STARD13: variants seen among roughly 807,000 people sequenced by gnomAD.
STARD13 encodes the protein StAR related lipid transfer domain containing 13.
STARD13 carries 62 observed loss-of-function variants against 106.4 expected under a neutral mutation model. The observed-to-expected ratio is 0.58, with a 90% CI of 0.48 to 0.72. The LOEUF (loss-of-function observed/expected upper bound fraction) is 0.72. Among genes scored for constraint, STARD13 ranks in the 30% least tolerant of loss-of-function variants. The pLI is 0.00. For synonymous variants in STARD13, 565 were observed against 553.0 expected (o/e 1.02, Z -0.31); for missense variants, 1,387 against 1,424.0 (o/e 0.97, Z 0.42).
chr13:33,497,909 T>G, the STARD13 span, among the ~76,000 whole-genome samples: 81 of 152,280 alleles, frequency 5.3e-4, 1 homozygote, highest in African/African-American at 1.9e-3. Flanking sequence ...CTATGTTACT[T>G]TAGTATCAAG....
At chr13:33,643,035 C>G in the STARD13 span, among the ~76,000 whole-genome samples, 4 of 152,046 alleles carry the variant, frequency 2.6e-5, no homozygotes. Context: ...TCCAGCTGCT[C>G]GGGAAAGGAG....
the STARD13 span, among the ~76,000 whole-genome samples, chr13:33,424,812 A>G: frequency 1.3e-5 from 2 of 152,194 alleles, no homozygotes; most frequent in Non-Finnish European, 2.9e-5. Flanking sequence ...TTCATCTTGT[A>G]ACTTATTAGG....
chr13:33,336,833 C>T (rs1022604283), intron 1 of STARD13: 2 of 150,996 alleles, frequency 1.3e-5, no homozygotes, highest in African/African-American at 2.4e-5. Context: ...ATGAAGTAGC[C>T]TAAGAACAAG....
chr13:33,425,889 C>T, the STARD13 span, among the ~76,000 whole-genome samples: 1 of 152,236 alleles, frequency 6.6e-6, no homozygotes, highest in Admixed American at 6.5e-5. Flanking sequence ...CAGTTTAAGA[C>T]ATCCGAAGTA....
chr13:33,584,839 C>G, the STARD13 span, among the ~76,000 whole-genome samples: 3 of 151,870 alleles, frequency 2.0e-5, no homozygotes, highest in Non-Finnish European at 4.4e-5. Flanking sequence ...AGTGAATTAT[C>G]ATGAGATTCA....
intron 1 of STARD13, 60 bp downstream of exon 1, chr13:33,285,410 C>A: frequency 6.5e-7 from 1 of 1,537,484 alleles, no homozygotes; most frequent in South Asian, 1.2e-5. Context: ...ACTGGGTTAG[C>A]ATGAAATAGA....
intron 1 of STARD13, among the ~76,000 whole-genome samples, chr13:33,199,560 AG>A (rs1286085000): frequency 6.6e-6 from 1 of 152,262 alleles, no homozygotes; most frequent in African/African-American, 2.4e-5. Context: ...GAAACTCTAA[AG>A]ATAAAAATAA....
At chr13:33,536,139 G>A in the STARD13 span, among the ~76,000 whole-genome samples, 5 of 152,184 alleles carry the variant, frequency 3.3e-5, no homozygotes, top group Non-Finnish European at 5.9e-5. Context: ...ATACAGTTAA[G>A]AGTACTGAAG....
the STARD13 span, among the ~76,000 whole-genome samples, chr13:33,549,477 A>G: frequency 6.6e-6 from 1 of 152,230 alleles, no homozygotes; most frequent in African/African-American, 2.4e-5. Context: ...AGCATTTTAA[A>G]ATCTAAAAAT....
the STARD13 span, among the ~76,000 whole-genome samples, chr13:33,557,612 T>C: frequency 6.6e-6 from 1 of 152,164 alleles, no homozygotes; most frequent in Admixed American, 6.5e-5. Flanking sequence ...ACTATCACTG[T>C]ATGTGTTACC....
At chr13:33,564,788 T>A in the STARD13 span, among the ~76,000 whole-genome samples, 4 of 145,922 alleles carry the variant, frequency 2.7e-5, 2 homozygotes. Flanking sequence ...GGTCAGGAGA[T>A]CGAGACCATC....
the STARD13 span, among the ~76,000 whole-genome samples, chr13:33,442,840 G>T: frequency 6.6e-6 from 1 of 152,120 alleles, no homozygotes; most frequent in East Asian, 1.9e-4. Context: ...TATATTAATT[G>T]TAAAACATTC....
At chr13:33,574,022 T>C in the STARD13 span, among the ~76,000 whole-genome samples, 1 of 152,028 alleles carries the variant, frequency 6.6e-6, no homozygotes, top group Admixed American at 6.6e-5. Context: ...CTTAAAAAAA[T>C]GAACAATAGT....
the STARD13 span, among the ~76,000 whole-genome samples, chr13:33,483,303 A>C: frequency 6.6e-6 from 1 of 152,244 alleles, no homozygotes; most frequent in South Asian, 2.1e-4. Flanking sequence ...AGAACATAAC[A>C]GATCTATTTA....
At chr13:33,107,867 T>G (rs1195887583) in intron 12 of STARD13, among the ~76,000 whole-genome samples, 12 of 152,154 alleles carry the variant, frequency 7.9e-5, no homozygotes, top group African/African-American at 2.9e-4. Flanking sequence ...ATAGATTGCA[T>G]TATTAGAATT....
intron 1 of STARD13, among the ~76,000 whole-genome samples, chr13:33,322,718 AT>A (rs955175295): frequency 6.6e-6 from 1 of 152,220 alleles, no homozygotes; most frequent in African/African-American, 2.4e-5. Context: ...TTTTCTCTTG[AT>A]AAGCCAGGAC....
chr13:33,153,007 G>C (rs1052392547), intron 3 of STARD13, among the ~76,000 whole-genome samples: 1 of 152,206 alleles, frequency 6.6e-6, no homozygotes, highest in Non-Finnish European at 1.5e-5. Flanking sequence ...TATTAGGAAA[G>C]GCATGGACAT....
At chr13:33,107,397 G>A (rs999462669) in intron 12 of STARD13, among the ~76,000 whole-genome samples, 18 of 152,244 alleles carry the variant, frequency 1.2e-4, no homozygotes, top group African/African-American at 4.1e-4. Context: ...TAAAAGCACT[G>A]AGGTAAATGC....
intron 1 of STARD13, among the ~76,000 whole-genome samples, chr13:33,341,383 A>G (rs542662497): frequency 1.3e-5 from 2 of 152,304 alleles, no homozygotes; most frequent in Non-Finnish European, 2.9e-5. Context: ...TCAAGCCTGT[A>G]ATCCCAGCAC....
Sources: gnomAD v4.1 joint callset for allele counts (sites outside exome capture counted in the v4.1 genomes callset) on GRCh38, gnomAD v4.1.1 for gene constraint, MANE v1.5 for transcripts, NCBI Gene and HGNC (gene_info 2026-07-23, HGNC 2026-07-21) for gene names.